PPP2R5C: variants seen among roughly 807,000 people sequenced by gnomAD.
PPP2R5C encodes protein phosphatase 2 regulatory subunit B'gamma.
PPP2R5C carries 7 observed loss-of-function variants against 68.9 expected under a neutral mutation model. The ratio of observed to expected loss-of-function variants is 0.10; its 90% confidence interval spans 0.06 to 0.19. The LOEUF (loss-of-function observed/expected upper bound fraction) is 0.19. Ranked by LOEUF, PPP2R5C falls within the 10% of genes least tolerant of loss-of-function variation. PPP2R5C has a pLI of 1.00. For synonymous variants in PPP2R5C, 210 were observed against 222.2 expected, an observed-to-expected ratio of 0.95 and a Z score of 0.49; for missense variants, 348 against 641.3, an observed-to-expected ratio of 0.54 and a Z score of 4.94.
At chr14:101,856,549 C>G in intron 1 of PPP2R5C, 137 bp from the exon 4 acceptor site, 1 of 777,658 alleles carries the variant, frequency 1.3e-6, no homozygotes, top group Non-Finnish European at 2.1e-6. Flanking sequence ...TAAGGAATAG[C>G]CTTTGTTTAC....
chr14:101,862,760 G>A (rs2042823101), intron 2 of PPP2R5C, among the ~76,000 whole-genome samples: 1 of 147,774 alleles, frequency 6.8e-6, no homozygotes, highest in African/African-American at 2.5e-5. Flanking sequence ...CACTTAATTT[G>A]TTCTGGAAAA....
At chr14:101,761,780 C>T, upstream of PPP2R5C, 1 of 906,062 alleles carries the variant, frequency 1.1e-6, no homozygotes, top group Non-Finnish European at 1.3e-6. Flanking sequence ...ACTCAGTCCC[C>T]GGGCGGCGGC....
At chr14:101,909,793 A>G (rs781265002) in intron 11 of PPP2R5C, 103 bp downstream of exon 13, 29 of 697,950 alleles carry the variant, frequency 4.2e-5, no homozygotes, top group Non-Finnish European at 4.2e-5. Context: ...TTCACTCGAA[A>G]GCAAAACCAA....
Position 101,901,706 on chromosome 14 carries a change from A to G in PPP2R5C, c.853-13A>G, listed in dbSNP as rs764017588. On this transcript the variant is annotated splice_polypyrimidine_tract_variant and intron_variant, in intron 8 of 13. Coordinates refer to ENST00000334743, the Ensembl canonical transcript of PPP2R5C. ...GTGGGCATCAGTCACTCCACGTGTC[A>G]TTTCTTTTGTAGGTGGTGATGGCAC... 4 of 1,612,436 alleles carry G rather than the reference A, an allele frequency of 2.5e-6. No individual in the cohort carries two copies. The African/African-American group carries it at 5.3e-5, about 22-fold the overall frequency.
intron 2 of PPP2R5C, among the ~76,000 whole-genome samples, chr14:101,864,923 A>G (rs1238780373): frequency 6.6e-6 from 1 of 152,170 alleles, no homozygotes; most frequent in Non-Finnish European, 1.5e-5. Flanking sequence ...GACCAGCTCA[A>G]CATCTGCTGC....
chr14:101,824,311 C>A, intron 1 of PPP2R5C: 1 of 695,992 alleles, frequency 1.4e-6, no homozygotes, highest in Non-Finnish European at 2.0e-6. Context: ...CATCTGAAAA[C>A]TGGCTCTGTT....
chr14:101,864,686 C>T (rs2042951268), intron 2 of PPP2R5C, among the ~76,000 whole-genome samples: 1 of 152,110 alleles, frequency 6.6e-6, no homozygotes, highest in African/African-American at 2.4e-5. Flanking sequence ...GGAGTGTTCC[C>T]AGCAGAAGGA....
chr14:101,817,674 G>A (rs1158234527), intron 1 of PPP2R5C, among the ~76,000 whole-genome samples: 2 of 152,072 alleles, frequency 1.3e-5, no homozygotes, highest in Admixed American at 6.6e-5. Context: ...CACACGCCAG[G>A]GTCAGATCAC....
At chr14:101,865,265 CACTT>C (rs1055510588) in intron 2 of PPP2R5C, among the ~76,000 whole-genome samples, 1 of 152,232 alleles carries the variant, frequency 6.6e-6, no homozygotes, top group Admixed American at 6.5e-5. Flanking sequence ...GGGTCTCTCA[CACTT>C]AGTCCACAGA....
intron 2 of PPP2R5C, among the ~76,000 whole-genome samples, chr14:101,873,065 A>G (rs1037082120): frequency 1.3e-5 from 2 of 152,100 alleles, no homozygotes; most frequent in African/African-American, 4.8e-5. Context: ...TTAAGTGAGC[A>G]AATTTACTTA....
chr14:101,855,946 C>T (rs2042395646), intron 1 of PPP2R5C, among the ~76,000 whole-genome samples: 1 of 152,202 alleles, frequency 6.6e-6, no homozygotes, highest in Admixed American at 6.5e-5. Flanking sequence ...CCCAGGTAAG[C>T]ACTCACTAAG....
chr14:101,792,555 C>T (rs1178118669), intron 3 of PPP2R5C, among the ~76,000 whole-genome samples: 2 of 152,184 alleles, frequency 1.3e-5, no homozygotes, highest in Non-Finnish European at 2.9e-5. Flanking sequence ...AAGCTTAATT[C>T]TTTGTCTTTT....
chr14:101,838,327 T>C (rs574914981), intron 1 of PPP2R5C, among the ~76,000 whole-genome samples: 2 of 152,358 alleles, frequency 1.3e-5, no homozygotes, highest in Admixed American at 6.5e-5. Flanking sequence ...TGCAAGCGTC[T>C]TGTGAATCTG....
intron 1 of PPP2R5C, among the ~76,000 whole-genome samples, chr14:101,848,529 C>T (rs1232370697): frequency 6.6e-6 from 1 of 151,298 alleles, no homozygotes; most frequent in African/African-American, 2.4e-5. Flanking sequence ...CAGAGCGAGA[C>T]TCTGTCTCAA....
chr14:101,885,137 G>A (rs1011485679), intron 5 of PPP2R5C, among the ~76,000 whole-genome samples: 4 of 152,338 alleles, frequency 2.6e-5, no homozygotes, highest in South Asian at 2.1e-4. Flanking sequence ...TCGCTGCAGG[G>A]CCAGGGTGTG....
At chr14:101,920,213 T>G (rs1185408462) in intron 13 of PPP2R5C, among the ~76,000 whole-genome samples, 1 of 152,222 alleles carries the variant, frequency 6.6e-6, no homozygotes, top group Non-Finnish European at 1.5e-5. Flanking sequence ...TGAGTAAAGC[T>G]GCCTTTGAAA....
intron 2 of PPP2R5C, among the ~76,000 whole-genome samples, chr14:101,881,111 G>A (rs2044147045): frequency 6.6e-6 from 1 of 152,028 alleles, no homozygotes; most frequent in Non-Finnish European, 1.5e-5. Flanking sequence ...AAAGAGGGTT[G>A]GGCATGGTGA....
At chr14:101,786,333 A>G (rs559337594) in intron 3 of PPP2R5C, 150 bp downstream of exon 3, 1 of 644,372 alleles carries the variant, frequency 1.6e-6, no homozygotes, top group African/African-American at 1.9e-5. Context: ...TTTTAGGTTG[A>G]ATGTCATTAA....
At chr14:101,914,049 C>T (rs2046527289) in intron 12 of PPP2R5C, 4 of 414,292 alleles carry the variant, frequency 9.7e-6, no homozygotes, top group Admixed American at 8.0e-5. Flanking sequence ...CTGTACGTAA[C>T]CAATGTTTCT....
Sources: gnomAD v4.1 joint callset for allele counts (sites outside exome capture counted in the v4.1 genomes callset) on GRCh38, gnomAD v4.1.1 for gene constraint, MANE v1.5 for transcripts, NCBI Gene and HGNC (gene_info 2026-07-23, HGNC 2026-07-21) for gene names.